The following FZD4 variants were observed in gnomAD, a reference collection of about 807,000 sequenced individuals.
FZD4 encodes frizzled class receptor 4, also known as frizzled-4.
Under a neutral mutation model 37.3 loss-of-function variants are expected in FZD4, and 16 were observed. The ratio of observed to expected loss-of-function variants is 0.43; its 90% CI spans 0.29 to 0.65. The LOEUF (loss-of-function observed/expected upper bound fraction) is 0.65. Among genes scored for constraint, FZD4 ranks in the 30% least tolerant of loss-of-function variants. The probability of loss-of-function intolerance (pLI) is 0.16; values close to 1 mark genes in which losing one functional copy is unlikely to be tolerated. For synonymous variants in FZD4, 246 were observed against 254.8 expected, an observed-to-expected ratio of 0.97 and a Z score of 0.33; for missense variants, 599 against 674.3, an observed-to-expected ratio of 0.89 and a Z score of 1.24.
chr11:86,954,651 T>C, intron 1 of FZD4, 150 bp downstream of exon 1: 1 of 1,435,752 alleles, frequency 7.0e-7, no homozygotes, highest in East Asian at 2.5e-5. Context: ...TTCCAGTCCC[T>C]GAGAAAGTGG....
rs893099107 is a variant in FZD4, at chr11:86,955,125, C to G, written c.-40G>C. Reference sequence around the variant, plus strand: ...GTAGCAGCGGCAGCGGCTGGGGCTGCTCTGGCAGACACCCCCAGTTTGCAC... The same window carrying G: ...GTAGCAGCGGCAGCGGCTGGGGCTGGTCTGGCAGACACCCCCAGTTTGCAC... On this transcript the variant is annotated 5_prime_UTR_variant, in exon 1 of 2. Transcript: ENST00000531380. 7.1e-7 allele frequency: 1 copy of G among 1,412,458 alleles called. No individual in the cohort carries two copies. Among genetic ancestry groups the G allele is most frequent in the African/African-American group, 1.5e-5 (1 of 67,318 alleles). The allele number at this position is 1,412,458 out of a possible 1,614,324, so 87.5% of individuals were successfully genotyped here.
At chr11:86,952,571 G>A in intron 1 of FZD4, 101 bp from the exon 2 acceptor site, 2 of 1,341,562 alleles carry the variant, frequency 1.5e-6, no homozygotes, top group Non-Finnish European at 2.1e-6. Flanking sequence ...AGGCAATCTA[G>A]GTATCTACTT....
rs1949293010 is a variant in FZD4 at position 86,951,589 on chromosome 11, C to G, written c.1167G>C (p.Gly389=). ...AAGTAAAGAGGGGAGCCACCACGAACCCGGTGAGGGCATCGAGATTTTGGT... is the reference window on the plus strand; with the variant it reads ...AAGTAAAGAGGGGAGCCACCACGAAGCCGGTGAGGGCATCGAGATTTTGGT... ...VGNQNLDALT[G]FVVAPLFTYL... is the part of the protein sequence containing the mutation. The change falls in exon 2 of 2, where the codon GGG becomes GGC. Residue 389 remains glycine (G), a synonymous_variant. Coordinates refer to ENST00000531380, the MANE Select transcript of FZD4 (RefSeq NM_012193.4). 1 of 1,614,088 alleles carries G rather than the reference C, an allele frequency of 6.2e-7. No homozygotes were observed. The highest frequency in any genetic ancestry group is 1.6e-4 in the Middle Eastern group (1 of 6,062).
chr11:86,953,287 C>T (rs1487243434), intron 1 of FZD4, among the ~76,000 whole-genome samples: 1 of 152,200 alleles, frequency 6.6e-6, no homozygotes, highest in Non-Finnish European at 1.5e-5. Context: ...TCCTTCAAAA[C>T]AGCTTGGCCG....
chr11:86,948,561 C>T lies in FZD4; in HGVS notation c.*2581G>A, dbSNP rs60226660. 1 of 152,070 alleles carries T rather than the reference C, an allele frequency of 6.6e-6. No individual in the cohort carries two copies. The highest frequency in any genetic ancestry group is 1.5e-5 in the Non-Finnish European group (1 of 68,016). The allele number at this position is 152,070 out of a possible 1,614,324, so 9.4% of individuals were successfully genotyped here. On this transcript the variant is annotated 3_prime_UTR_variant, in exon 2 of 2. Coordinates refer to ENST00000531380, the MANE Select transcript of FZD4 (RefSeq NM_012193.4). ...TGTAGCATTGCTAAGGCTACTAATC[C>T]AAATGGCCACTTCTGATCAAATACA... is the stretch of plus-strand genomic sequence containing the variant.
In FZD4 at chr11:86,952,140, A is replaced by G; in HGVS notation, c.616T>C (p.Tyr206His). ...GAGCGGCTGTATAAGCCAGCATCAT[A>G]GCCACACTTGAGCACACAGTTCAGG... is the stretch of plus-strand genomic sequence containing the variant. The part of the protein sequence containing the change: ...RSLNCVLKCG[Y>H]DAGLYSRSAK... Residue 206 changes from tyrosine to histidine, a missense_variant, in exon 2 of 2, where the codon TAT becomes CAT. Around this residue, in one of 3 missense-constraint regions of FZD4, gnomAD observed 357 missense variants for 396.1 expected, o/e 0.90. Transcript: ENST00000531380. 1 of 1,613,210 alleles carries G rather than the reference A, an allele frequency of 6.2e-7. No individual in the cohort carries two copies. The highest frequency in any genetic ancestry group is 8.5e-7 in the Non-Finnish European group (1 of 1,179,316).
Position 86,955,309 on chromosome 11 carries a change from G to GCAGGCGGCGAGCCCAC in FZD4, c.-240_-225dup, listed in dbSNP as rs1413171607. 1 of 416,146 alleles carries GCAGGCGGCGAGCCCAC rather than the reference G, an allele frequency of 2.4e-6. No individual in the cohort carries two copies. The highest frequency in any genetic ancestry group is 2.1e-5 in the African/African-American group (1 of 48,182). The allele number at this position is 416,146 out of a possible 1,614,324, so 25.8% of individuals were successfully genotyped here. ...GGGACAGGCTGCGAGGGTCATGGCT[G>GCAGGCGGCGAGCCCAC]CAGGCGGCGAGCCCACAAGCCGGCG... is the stretch of plus-strand genomic sequence containing the variant. On this transcript the variant is annotated 5_prime_UTR_variant, in exon 1 of 2. Coordinates refer to ENST00000531380, the MANE Select transcript of FZD4 (RefSeq NM_012193.4).
chr11:86,953,720 G>A (rs879120403), intron 1 of FZD4, among the ~76,000 whole-genome samples: 18 of 152,032 alleles, frequency 1.2e-4, no homozygotes, highest in Non-Finnish European at 1.8e-4. Flanking sequence ...GGGTTCAAGC[G>A]ATTCTCCTGC....
Position 86,954,878 on chromosome 11 carries a change from C to G in FZD4, c.208G>C (p.Glu70Gln), listed in dbSNP as rs745770534. Residue 70 changes from glutamate (E) to glutamine (Q), a missense_variant, in exon 1 of 2, where the codon GAG becomes CAG. This residue lies in a region of FZD4 where 357 missense variants were observed against 396.1 expected (regional missense o/e 0.90). Transcript: ENST00000531380. ...VTKMPNLVGHELQTDAELQLT... is the reference protein window; with the variant it reads ...VTKMPNLVGHQLQTDAELQLT... ...TGCAGCTCGGCGTCCGTCTGCAGCTCGTGCCCAACCAGGTTGGGCATCTTG... is the reference window on the plus strand; with the variant it reads ...TGCAGCTCGGCGTCCGTCTGCAGCTGGTGCCCAACCAGGTTGGGCATCTTG... 6.2e-7 allele frequency: 1 copy of G among 1,613,410 alleles called. No homozygotes were observed. The highest frequency in any genetic ancestry group is 1.1e-5 in the South Asian group (1 of 91,026).
intron 1 of FZD4, chr11:86,954,440 C>T (rs1949319099): frequency 1.0e-6 from 1 of 985,326 alleles, no homozygotes; most frequent in Non-Finnish European, 1.2e-6. Context: ...CCTTATCACT[C>T]CCTCCAAGTC....
rs1949251563 is a variant in FZD4 at position 86,947,230 on chromosome 11, CA to C, written c.*3911del. ...ACAAACAAACAAACAAACAAACAAA[CA>C]AACAACAAAAAAAAGGTTCCTTCCA... On this transcript the variant is annotated 3_prime_UTR_variant, in exon 2 of 2. Transcript: ENST00000531380. 1.3e-4 allele frequency: 21 copies of C among 157,560 alleles called. No homozygotes were observed. The highest frequency in any genetic ancestry group is 4.4e-4 in the South Asian group (3 of 6,894). 9.8% of individuals were successfully genotyped at this position (157,560 alleles called of 1,614,324 possible).
At position 86,950,029 on chromosome 11, in the gene FZD4, G is replaced by A. The variant is rs1590942292; in HGVS notation, c.*1113C>T. ...ATTTTTAAAGGCACTATCATTCTGA[G>A]AATGCAAGTTGAAGTTGACCATAGT... On this transcript the variant is annotated 3_prime_UTR_variant, in exon 2 of 2. Transcript: ENST00000531380. The A allele has an allele frequency of 1.3e-5, 2 of 152,278 alleles. No homozygotes were observed. Among genetic ancestry groups the A allele is most frequent in the South Asian group, 4.1e-4 (2 of 4,830 alleles). 9.4% of individuals were successfully genotyped at this position (152,278 alleles called of 1,614,324 possible).
chr11:86,954,873 C>T lies in FZD4; in HGVS notation c.213G>A (p.Leu71=), dbSNP rs1949323004. The T allele has an allele frequency of 1.2e-6, 2 of 1,613,324 alleles. No individual in the cohort carries two copies. The highest frequency in any genetic ancestry group is 1.3e-5 in the African/African-American group (1 of 74,934). ...TKMPNLVGHE[L]QTDAELQLTT... ...TCAGCTGCAGCTCGGCGTCCGTCTG[C>T]AGCTCGTGCCCAACCAGGTTGGGCA... is the stretch of plus-strand genomic sequence containing the variant. The change falls in exon 1 of 2, where the codon CTG becomes CTA. Residue 71 remains leucine, a synonymous_variant. Coordinates refer to ENST00000531380, the MANE Select transcript of FZD4 (RefSeq NM_012193.4).
At position 86,951,827 on chromosome 11, in the gene FZD4, T is replaced by C. The variant is rs777030284; in HGVS notation, c.929A>G (p.Tyr310Cys). 1 of 1,613,888 alleles carries C rather than the reference T, an allele frequency of 6.2e-7. No homozygotes were observed. The highest frequency in any genetic ancestry group is 1.1e-5 in the South Asian group (1 of 91,078). ...TGCAIIFLLM[Y>C]FFGMASSIWW... ...AATGGAGCTGGCCATTCCAAAAAAGTACATCAGCAAGAAAATTATTGCACA... is the reference window on the plus strand; with the variant it reads ...AATGGAGCTGGCCATTCCAAAAAAGCACATCAGCAAGAAAATTATTGCACA... Residue 310 changes from tyrosine (Y) to cysteine (C), a missense_variant, in exon 2 of 2, where the codon TAC becomes TGC. Physicochemically the swap from Tyr to Cys is radical, Grantham distance 194 (BLOSUM62 -2). Around this residue, in one of 3 missense-constraint regions of FZD4, gnomAD observed 39 missense variants for 81.4 expected, o/e 0.48. Transcript: ENST00000531380.
Position 86,952,097 on chromosome 11 carries a change from T to C in FZD4, c.659A>G (p.Asp220Gly). 6.2e-7 allele frequency: 1 copy of C among 1,614,056 alleles called. No individual in the cohort carries two copies. Among genetic ancestry groups the C allele is most frequent in the Non-Finnish European group, 8.5e-7 (1 of 1,179,978 alleles). Residue 220 changes from aspartate (D) to glycine (G), a missense_variant, in exon 2 of 2, where the codon GAT becomes GGT. Transcript: ENST00000531380. The stretch of plus-strand genomic sequence containing the variant: ...GCTGGCCCACACAGCCATCCAGATA[T>C]CAGTGAACTCCTTGGCTGAGCGGCT... Reference protein sequence around the residue: ...LYSRSAKEFTDIWMAVWASLC... With the variant: ...LYSRSAKEFTGIWMAVWASLC...
In FZD4 at chr11:86,951,006, TG is replaced by T; in HGVS notation, c.*135del. The T allele has an allele frequency of 2.2e-6, 2 of 926,874 alleles. No homozygotes were observed. Among genetic ancestry groups the T allele is most frequent in the Non-Finnish European group, 3.5e-6 (2 of 572,560 alleles). The allele number at this position is 926,874 out of a possible 1,614,324, so 57.4% of individuals were successfully genotyped here. On this transcript the variant is annotated 3_prime_UTR_variant, in exon 2 of 2. Transcript: ENST00000531380. Reference sequence around the variant, plus strand: ...ATGCTGGGGTCGGGGTGGGAGGCAGTGGGTTGACGGGGGTCACTTAATTGTT... The same window carrying T: ...ATGCTGGGGTCGGGGTGGGAGGCAGTGGTTGACGGGGGTCACTTAATTGTT...
In FZD4 at chr11:86,954,846, T is replaced by C. The variant is rs765524602; in HGVS notation, c.240A>G (p.Thr80=). Residue 80 remains threonine (T), a synonymous_variant, in exon 1 of 2, where the codon ACA becomes ACG. Coordinates refer to ENST00000531380, the MANE Select transcript of FZD4 (RefSeq NM_012193.4). ...CGTACTGGATGAGCGGTGTGAAAGT[T>C]GTCAGCTGCAGCTCGGCGTCCGTCT... ...ELQTDAELQL[T]TFTPLIQYGC... is the part of the protein sequence containing the mutation. The C allele has an allele frequency of 3.7e-6, 6 of 1,613,086 alleles. No homozygotes were observed. The South Asian group carries it at 5.5e-5, about 15-fold the overall frequency.
intron 1 of FZD4, chr11:86,952,799 C>T (rs1949306037): frequency 1.6e-5 from 3 of 190,896 alleles, no homozygotes; most frequent in South Asian, 1.3e-4. Flanking sequence ...TTTCAATCTC[C>T]TTCCATTTTA....
rs1437171570 is a variant in FZD4, at chr11:86,948,175, TAG to T, written c.*2965_*2966del. On this transcript the variant is annotated 3_prime_UTR_variant, in exon 2 of 2. Coordinates refer to ENST00000531380, the MANE Select transcript of FZD4 (RefSeq NM_012193.4). ...AAAGGGATGAGAGATGTGTTAAAAG[TAG>T]AGAGACCCAGGCTGGGTGTGGTGGC... The T allele has an allele frequency of 6.6e-6, 1 of 151,114 alleles. No homozygotes were observed. The highest frequency in any genetic ancestry group is 1.5e-5 in the Non-Finnish European group (1 of 68,046). The allele number at this position is 151,114 out of a possible 1,614,324, so 9.4% of individuals were successfully genotyped here.
Sources: gnomAD v4.1 joint callset for allele counts (sites outside exome capture counted in the v4.1 genomes callset) on GRCh38, gnomAD v4.1.1 for gene constraint, gnomAD v4.1.1 regional missense constraint, MANE v1.5 for transcripts, NCBI Gene and HGNC (gene_info 2026-07-23, HGNC 2026-07-21) for gene names.